The following CCDC141 variants were observed in gnomAD, a reference collection of about 807,000 sequenced individuals.
The protein encoded by CCDC141 is coiled-coil domain containing 141.
A neutral mutation model predicts 181.0 loss-of-function variants in CCDC141; 168 were observed. That is an observed-to-expected ratio of 0.93 (90% CI 0.82 to 1.05). CCDC141 has a LOEUF of 1.05. Ranked by LOEUF, CCDC141 falls within the 50% of genes least tolerant of loss-of-function variation. The pLI, the probability that CCDC141 is intolerant of heterozygous loss-of-function variation, is 0.00. For missense variants in CCDC141, 1,902 were observed against 1,788.5 expected (o/e 1.06, Z -1.14); for synonymous variants, 666 against 642.3 (o/e 1.04, Z -0.56).
intron 2 of CCDC141, among the ~76,000 whole-genome samples, chr2:178,980,635 TTA>T (rs1238472262): frequency 3.3e-5 from 5 of 152,126 alleles, no homozygotes; most frequent in Admixed American, 6.5e-5. Context: ...GCAGAAACTA[TTA>T]GAGTGGATAA....
chr2:179,008,911 C>T (rs2042185975), intron 2 of CCDC141, among the ~76,000 whole-genome samples: 1 of 152,170 alleles, frequency 6.6e-6, no homozygotes, highest in African/African-American at 2.4e-5. Context: ...ATTCATCAGC[C>T]ATAAGATAAA....
At chr2:178,918,347 G>A (rs777846705) in intron 7 of CCDC141, among the ~76,000 whole-genome samples, 3 of 152,124 alleles carry the variant, frequency 2.0e-5, no homozygotes, top group Non-Finnish European at 4.4e-5. Context: ...GGTCGAGGCT[G>A]CAGTAAGCTA....
intron 8 of CCDC141, among the ~76,000 whole-genome samples, chr2:178,902,532 C>G (rs1418239573): frequency 6.6e-6 from 1 of 152,096 alleles, no homozygotes; most frequent in Non-Finnish European, 1.5e-5. Context: ...ATAAATGGTG[C>G]TGGGAAAACT....
chr2:178,934,582 CT>C (rs1558990948), intron 6 of CCDC141, among the ~76,000 whole-genome samples: 1 of 152,016 alleles, frequency 6.6e-6, no homozygotes, highest in African/African-American at 2.4e-5. Flanking sequence ...TTTAAAAATC[CT>C]TTAGTTCATT....
At chr2:178,896,459 TG>T (rs1038390822) in intron 8 of CCDC141, among the ~76,000 whole-genome samples, 2 of 152,210 alleles carry the variant, frequency 1.3e-5, no homozygotes, top group African/African-American at 4.8e-5. Flanking sequence ...GGTGCTGGTA[TG>T]CCATATAAGA....
At chr2:178,856,172 G>T in intron 18 of CCDC141, 85 bp downstream of exon 18, 1 of 1,253,320 alleles carries the variant, frequency 8.0e-7, no homozygotes, top group Non-Finnish European at 1.1e-6. Context: ...TAGGTATCTA[G>T]ATTTGAAATT....
chr2:178,867,719 C>T (rs1324233132), intron 16 of CCDC141, among the ~76,000 whole-genome samples: 2 of 151,966 alleles, frequency 1.3e-5, no homozygotes, highest in Admixed American at 1.3e-4. Context: ...TTTTTAGTTG[C>T]ATTAGGCACA....
rs1056727864 is a variant in CCDC141 at position 178,978,525 on chromosome 2, G to A, written c.376C>T (p.Leu126Phe). The A allele has an allele frequency of 1.3e-6, 2 of 1,533,568 alleles. No individual in the cohort carries two copies. The highest frequency in any genetic ancestry group is 2.5e-5 in the East Asian group (1 of 40,132). The allele number at this position is 1,533,568 out of a possible 1,614,324, so 95.0% of individuals were successfully genotyped here. The change falls in exon 3 of 24, where the codon CTC (leucine) becomes TTC (phenylalanine). Residue 126 changes from leucine to phenylalanine, a missense_variant. Leu to Phe is a conservative substitution (Grantham distance 22). Coordinates refer to ENST00000443758, the MANE Select transcript of CCDC141 (RefSeq NM_173648.4). ...AAAAATTCAGAAGTCAACCTAAGGA[G>A]CTCTGTTCTTCTTTCAAGCATGGAC... is the stretch of plus-strand genomic sequence containing the variant. ...LVSMLERRTE[L>F]LRLTSEFFEN... is the part of the protein sequence containing the mutation.
chr2:178,965,445 C>G (rs952324964), intron 4 of CCDC141, among the ~76,000 whole-genome samples: 1 of 152,162 alleles, frequency 6.6e-6, no homozygotes, highest in African/African-American at 2.4e-5. Flanking sequence ...CATTGGTACT[C>G]GTTGGACAGT....
At position 179,015,092 on chromosome 2, in the gene CCDC141, AT is replaced by A. The variant is rs57395637; in HGVS notation, c.225+32191del. Among the ~76,000 whole-genome samples the A allele has an allele frequency of 1.4e-4, 6 of 43,700 alleles. 1 individual carries two copies. Among genetic ancestry groups the A allele is most frequent in the Non-Finnish European group, 3.0e-4 (5 of 16,674 alleles). 28.7% of individuals were successfully genotyped at this position (43,700 alleles called of 152,430 possible). A position where few individuals can be genotyped will look rare whatever the true frequency, so the allele number is the denominator to read the frequency against. On this transcript the variant is annotated intron_variant, in intron 2 of 23. Coordinates refer to ENST00000443758, the MANE Select transcript of CCDC141 (RefSeq NM_173648.4). ...GATATATATATATATATATATATAT[AT>A]ATATATATATAATATATATATAATC...
At chr2:179,001,096 T>C (rs1254088120) in intron 2 of CCDC141, among the ~76,000 whole-genome samples, 2 of 152,138 alleles carry the variant, frequency 1.3e-5, no homozygotes, top group African/African-American at 4.8e-5. Flanking sequence ...GAATAAGCTA[T>C]GGATCCCCAG....
chr2:178,986,060 A>C (rs1324804540), intron 2 of CCDC141, among the ~76,000 whole-genome samples: 1 of 152,170 alleles, frequency 6.6e-6, no homozygotes, highest in Non-Finnish European at 1.5e-5. Flanking sequence ...TTGATGCAAA[A>C]ATCCTCAATA....
chr2:178,833,888 A>C lies in CCDC141; in HGVS notation c.*285T>G. On this transcript the variant is annotated 3_prime_UTR_variant, in exon 24 of 24. Coordinates refer to ENST00000443758, the MANE Select transcript of CCDC141 (RefSeq NM_173648.4). ...CTGCACGCCCTTAAATTAGGAGGGA[A>C]TAGGCATAGAATAATTTTGCTGCAT... 1 of 321,780 alleles carries C rather than the reference A, an allele frequency of 3.1e-6. No homozygotes were observed. 19.9% of individuals were successfully genotyped at this position (321,780 alleles called of 1,614,324 possible).
intron 4 of CCDC141, among the ~76,000 whole-genome samples, chr2:178,965,146 C>T (rs1690569898): frequency 6.6e-6 from 1 of 152,178 alleles, no homozygotes. Context: ...GTCCTGAGAT[C>T]ATGTAAGATA....
chr2:179,033,584 T>C (rs1438936655), intron 2 of CCDC141, among the ~76,000 whole-genome samples: 1 of 152,174 alleles, frequency 6.6e-6, no homozygotes, highest in African/African-American at 2.4e-5. Context: ...GAGTAGGGGA[T>C]GGATGGATTC....
At chr2:179,015,402 T>G (rs1011190948) in intron 2 of CCDC141, among the ~76,000 whole-genome samples, 1 of 138,842 alleles carries the variant, frequency 7.2e-6, no homozygotes, top group Admixed American at 7.9e-5. Flanking sequence ...ATCATATATC[T>G]CATATATGTA....
At chr2:178,929,704 C>T (rs1311652223) in intron 6 of CCDC141, among the ~76,000 whole-genome samples, 1 of 152,056 alleles carries the variant, frequency 6.6e-6, no homozygotes, top group East Asian at 1.9e-4. Context: ...TGACTTATAT[C>T]TTCTGAGTTT....
At position 179,039,489 on chromosome 2, in the gene CCDC141, TTTC is replaced by T. The variant is rs371637643; in HGVS notation, c.225+7792_225+7794del. The stretch of plus-strand genomic sequence containing the variant: ...ATATTATTGTATTTCTTACCCAAAT[TTTC>T]TTTTTAGGTGTGTGAAGGTAACCGT... On this transcript the variant is annotated intron_variant, in intron 2 of 23. Transcript: ENST00000443758. Among the ~76,000 whole-genome samples, 248 of 152,248 alleles carry T rather than the reference TTTC, an allele frequency of 1.6e-3. 1 individual carries two copies. Among genetic ancestry groups the T allele is most frequent in the African/African-American group, 5.7e-3 (235 of 41,542 alleles).
chr2:178,949,767 C>A (rs1030218117), intron 5 of CCDC141, among the ~76,000 whole-genome samples: 2 of 152,100 alleles, frequency 1.3e-5, no homozygotes, highest in Non-Finnish European at 2.9e-5. Flanking sequence ...ACAGCAAGAG[C>A]AGGCTGAGAA....
Sources: allele counts gnomAD v4.1 joint callset (sites outside exome capture counted in the v4.1 genomes callset), GRCh38; gene constraint gnomAD v4.1.1; transcripts MANE v1.5; gene names NCBI Gene and HGNC (gene_info 2026-07-23, HGNC 2026-07-21).